The following VWA8 variants were observed in gnomAD, a reference collection of about 807,000 sequenced individuals.
VWA8 encodes von Willebrand factor A domain-containing protein 8.
A neutral mutation model predicts 241.5 loss-of-function variants in VWA8; 221 were observed. That is an observed-to-expected ratio of 0.91 (90% confidence interval 0.82 to 1.02). VWA8 has a LOEUF of 1.02. Ranked by LOEUF, VWA8 falls within the 50% of genes least tolerant of loss-of-function variation. VWA8 has a pLI of 0.00. For missense variants in VWA8, 2,322 were observed against 2,328.7 expected (o/e 1.00, Z 0.06); for synonymous variants, 852 against 827.1 (o/e 1.03, Z -0.52).
chr13:41,882,136 C>T (rs1874253841), intron 9 of VWA8, among the ~76,000 whole-genome samples: 2 of 149,712 alleles, frequency 1.3e-5, no homozygotes, highest in South Asian at 2.1e-4. Flanking sequence ...GGGTCGCGGC[C>T]GGGTGGAGGT....
intron 35 of VWA8, among the ~76,000 whole-genome samples, chr13:41,680,779 G>C (rs1054011537): frequency 1.4e-4 from 21 of 152,154 alleles, no homozygotes; most frequent in Non-Finnish European, 5.9e-5. Context: ...TACACAAGCA[G>C]ACTGGTGCAA....
chr13:41,579,468 A>C (rs2044369432), intron 42 of VWA8, among the ~76,000 whole-genome samples: 1 of 151,918 alleles, frequency 6.6e-6, no homozygotes, highest in Non-Finnish European at 1.5e-5. Context: ...TGACGTTAAC[A>C]AGCTTTTTGA....
Position 41,811,256 on chromosome 13 carries a change from G to A in VWA8, c.2032C>T (p.His678Tyr). ...RLSQYPNENL[H>Y]SAVTKACLSR... ...AGGCAGGCTTTAGTAACAGCACTGT[G>A]AAGATTTTCATTAGGATACTGTGAC... Residue 678 changes from histidine (H) to tyrosine (Y), a missense_variant, in exon 17 of 45, where the codon CAC (histidine) becomes TAC (tyrosine). Coordinates refer to ENST00000379310, the MANE Select transcript of VWA8 (RefSeq NM_015058.2). 6.2e-7 allele frequency: 1 copy of A among 1,610,572 alleles called. No homozygotes were observed. The highest frequency in any genetic ancestry group is 8.5e-7 in the Non-Finnish European group (1 of 1,177,306).
chr13:41,761,384 A>C (rs1181682405), intron 20 of VWA8, among the ~76,000 whole-genome samples, 180 bp from the exon 21 acceptor site: 1 of 152,070 alleles, frequency 6.6e-6, no homozygotes, highest in Non-Finnish European at 1.5e-5. Flanking sequence ...ATAAGGGTTT[A>C]AAAAATTTAT....
intron 37 of VWA8, among the ~76,000 whole-genome samples, chr13:41,623,106 G>A (rs1218822734): frequency 6.6e-6 from 1 of 152,172 alleles, no homozygotes; most frequent in Admixed American, 6.6e-5. Context: ...GCCTTCCCAG[G>A]TAAAAGAAGA....
intron 26 of VWA8, among the ~76,000 whole-genome samples, chr13:41,714,738 A>G (rs1284792633): frequency 6.6e-6 from 1 of 151,966 alleles, no homozygotes; most frequent in Non-Finnish European, 1.5e-5. Flanking sequence ...TTGTGCCAAA[A>G]GTCTCTATTT....
At chr13:41,824,420 T>G (rs1039792780) in intron 14 of VWA8, among the ~76,000 whole-genome samples, 5 of 152,146 alleles carry the variant, frequency 3.3e-5, no homozygotes, top group African/African-American at 1.2e-4. Flanking sequence ...TTAAGAGGAA[T>G]AGCAGGTTTG....
chr13:41,919,113 T>C (rs1876392845), intron 2 of VWA8, among the ~76,000 whole-genome samples: 1 of 152,070 alleles, frequency 6.6e-6, no homozygotes. Flanking sequence ...AGGAGAGCCC[T>C]GGAGAACTGC....
At chr13:41,569,373 AGTTTGT>A (rs1211896142) in intron 44 of VWA8, among the ~76,000 whole-genome samples, 1 of 152,224 alleles carries the variant, frequency 6.6e-6, no homozygotes, top group East Asian at 1.9e-4. Flanking sequence ...GAAAAGGCAT[AGTTTGT>A]GTTTGAGGAT....
intron 37 of VWA8, among the ~76,000 whole-genome samples, chr13:41,623,063 G>A (rs989320834): frequency 1.9e-4 from 29 of 152,290 alleles, no homozygotes; most frequent in Middle Eastern, 3.4e-3. Context: ...GGTCTGAGAC[G>A]TGAGGGAAAG....
In VWA8 at chr13:41,646,504, C is replaced by T. The variant is rs1295175879; in HGVS notation, c.4611+24442G>A. Among the ~76,000 whole-genome samples the T allele has an allele frequency of 2.6e-5, 4 of 152,200 alleles. No homozygotes were observed. In the South Asian group the frequency reaches 8.3e-4, roughly 32 times the overall value. On this transcript the variant is annotated intron_variant, in intron 37 of 44. Transcript: ENST00000379310. ...AGGCTTAGAGATGTATAGCAACATA[C>T]TCATTATCACATAGTTATTAATTGG...
At chr13:41,611,353 G>C (rs760906339) in intron 39 of VWA8, among the ~76,000 whole-genome samples, 1 of 152,208 alleles carries the variant, frequency 6.6e-6, no homozygotes, top group Non-Finnish European at 1.5e-5. Context: ...TGGATGGGGC[G>C]ATTTGAGCTT....
intron 12 of VWA8, among the ~76,000 whole-genome samples, chr13:41,860,717 A>T (rs1438168631): frequency 6.6e-6 from 1 of 152,208 alleles, no homozygotes; most frequent in East Asian, 1.9e-4. Flanking sequence ...TAGCATACTC[A>T]AAGGCAGGAT....
At chr13:41,829,721 G>T (rs1279127944) in intron 14 of VWA8, among the ~76,000 whole-genome samples, 14 of 152,106 alleles carry the variant, frequency 9.2e-5, no homozygotes, top group African/African-American at 3.1e-4. Context: ...ACTTACAAGT[G>T]GGAGCTAAGC....
intron 30 of VWA8, 35 bp downstream of exon 30, chr13:41,692,827 T>C: frequency 5.2e-6 from 8 of 1,547,864 alleles, no homozygotes; most frequent in Non-Finnish European, 7.1e-6. Context: ...ATAGAAATCC[T>C]TGGCAATTTG....
intron 26 of VWA8, among the ~76,000 whole-genome samples, chr13:41,711,729 C>CCCCCTGACTCACTCTCTT (rs1593712925): frequency 6.6e-6 from 1 of 151,912 alleles, no homozygotes; most frequent in Non-Finnish European, 1.5e-5. Context: ...AAAAAATTAG[C>CCCCCTGACTCACTCTCTT]GGGGCGTGGT....
intron 18 of VWA8, among the ~76,000 whole-genome samples, chr13:41,785,305 AAT>A (rs1486725900): frequency 6.6e-6 from 1 of 152,196 alleles, no homozygotes; most frequent in Non-Finnish European, 1.5e-5. Flanking sequence ...TCACCCAGCT[AAT>A]ATGAGTAGAG....
chr13:41,575,389 C>T (rs930771204), intron 43 of VWA8, among the ~76,000 whole-genome samples: 2 of 152,030 alleles, frequency 1.3e-5, no homozygotes, highest in African/African-American at 2.4e-5. Flanking sequence ...AAAAACCACT[C>T]GTACCCCAAA....
chr13:41,949,821 C>G (rs1878039657), intron 2 of VWA8, 115 bp downstream of exon 2: 1 of 531,208 alleles, frequency 1.9e-6, no homozygotes, highest in Admixed American at 3.9e-5. Flanking sequence ...AATGTTGAAG[C>G]TGGATGATAA....
Sources: gnomAD v4.1 joint callset for allele counts (sites outside exome capture counted in the v4.1 genomes callset) on GRCh38, gnomAD v4.1.1 for gene constraint, MANE v1.5 for transcripts, NCBI Gene and HGNC (gene_info 2026-07-23, HGNC 2026-07-21) for gene names.